CNOT9: variants seen among roughly 807,000 people sequenced by gnomAD.
CNOT9 encodes the protein RCD1 required for cell differentiation1 homolog.
Under a neutral mutation model 37.4 loss-of-function variants are expected in CNOT9, and 8 were observed. The ratio of observed to expected loss-of-function variants is 0.21; its 90% CI spans 0.13 to 0.39. The LOEUF is 0.39. CNOT9 is among the 10% of genes least tolerant of loss of function. CNOT9 has a pLI of 1.00. For missense variants in CNOT9, 154 were observed against 365.3 expected (o/e 0.42, Z 4.71); for synonymous variants, 120 against 137.6 (o/e 0.87, Z 0.90).
intron 3 of CNOT9, among the ~76,000 whole-genome samples, 167 bp downstream of exon 3, chr2:218,583,253 C>G (rs1436955489): frequency 0.015 from 861 of 57,818 alleles, 8 homozygotes; most frequent in African/African-American, 0.053. Context: ...CTCTCTCTCT[C>G]TCTCTCTCTC....
At position 218,595,921 on chromosome 2, in the gene CNOT9, C is replaced by T. The variant is rs937815531; in HGVS notation, c.*1645C>T. 1 of 152,126 alleles carries T rather than the reference C, an allele frequency of 6.6e-6. No individual in the cohort carries two copies. The highest frequency in any genetic ancestry group is 2.4e-5 in the African/African-American group (1 of 41,408). The allele number at this position is 152,126 out of a possible 1,614,324, so 9.4% of individuals were successfully genotyped here. The stretch of plus-strand genomic sequence containing the variant: ...AAGGGCAGAATAAGCACTTACTCCC[C>T]CTGCCTTCCAAGATGAAGAGGAGAA... On this transcript the variant is annotated 3_prime_UTR_variant, in exon 8 of 8. Transcript: ENST00000273064.
chr2:218,585,641 T>A (rs370658605), intron 4 of CNOT9, among the ~76,000 whole-genome samples: 1 of 37,686 alleles, frequency 2.7e-5, no homozygotes, highest in African/African-American at 3.6e-5. Context: ...TTATTTTATT[T>A]TTTTTTTTTT....
intron 5 of CNOT9, among the ~76,000 whole-genome samples, chr2:218,590,563 G>A (rs1358287048): frequency 6.6e-6 from 1 of 152,198 alleles, no homozygotes; most frequent in African/African-American, 2.4e-5. Context: ...GAAGTCACAA[G>A]TTCTAAATGA....
chr2:218,590,345 A>G (rs1453258718), intron 5 of CNOT9, among the ~76,000 whole-genome samples: 2 of 152,206 alleles, frequency 1.3e-5, no homozygotes, highest in South Asian at 2.1e-4. Context: ...TCTGTATTTT[A>G]TACAATATTT....
At chr2:218,593,726 A>G in intron 7 of CNOT9, 1 of 1,217,996 alleles carries the variant, frequency 8.2e-7, no homozygotes, top group Non-Finnish European at 1.1e-6. Flanking sequence ...AAGTTATCAT[A>G]AGTTTGATGA....
intron 2 of CNOT9, chr2:218,580,954 CCTATAAT>C (rs1474507008): frequency 1.6e-6 from 1 of 641,880 alleles, no homozygotes; most frequent in Non-Finnish European, 2.9e-6. Context: ...TGAGGTGGGC[CCTATAAT>C]CTATATTTTA....
rs567456361 is a variant in CNOT9, at chr2:218,580,156, A to G, written c.25-405A>G. ...GCTAAATTTTGTATTTTTAGTAGAG[A>G]CGGGGTTTCGCCATGTTGGCCAGGC... On this transcript the variant is annotated intron_variant, in intron 1 of 7. Coordinates refer to ENST00000273064, the MANE Select transcript of CNOT9 (RefSeq NM_005444.3). 3.3e-3 allele frequency among the ~76,000 whole-genome samples: 500 copies of G among 152,008 alleles called. 4 individuals carry two copies. The highest frequency in any genetic ancestry group is 3.7e-3 in the Non-Finnish European group (252 of 67,982).
intron 7 of CNOT9, chr2:218,593,716 A>G (rs966110952): frequency 1.1e-5 from 13 of 1,228,170 alleles, no homozygotes; most frequent in Non-Finnish European, 1.3e-5. Context: ...AAAATTCATT[A>G]AGTTATCATA....
chr2:218,581,545 T>C (rs1694379119), intron 2 of CNOT9, among the ~76,000 whole-genome samples: 1 of 152,154 alleles, frequency 6.6e-6, no homozygotes, highest in African/African-American at 2.4e-5. Flanking sequence ...AATAGATAAC[T>C]GAAGTTCAGT....
intron 1 of CNOT9, among the ~76,000 whole-genome samples, chr2:218,579,853 CTG>C (rs1694309718): frequency 6.6e-6 from 1 of 151,922 alleles, no homozygotes; most frequent in Non-Finnish European, 1.5e-5. Flanking sequence ...GAGTCTCACT[CTG>C]TCGCCCAAGC....
At chr2:218,590,423 G>A (rs1694734651) in intron 5 of CNOT9, among the ~76,000 whole-genome samples, 1 of 152,190 alleles carries the variant, frequency 6.6e-6, no homozygotes, top group East Asian at 1.9e-4. Flanking sequence ...CTTAAGATTA[G>A]TGCACTTAAC....
intron 1 of CNOT9, 83 bp downstream of exon 1, chr2:218,569,061 G>T: frequency 6.7e-7 from 1 of 1,485,350 alleles, no homozygotes; most frequent in South Asian, 1.2e-5. Flanking sequence ...TCCCGGTGTC[G>T]GGTCCCTAGT....
chr2:218,590,048 T>A (rs1694721770), intron 5 of CNOT9, among the ~76,000 whole-genome samples: 1 of 84,182 alleles, frequency 1.2e-5, no homozygotes, highest in African/African-American at 5.4e-5. Context: ...AATATTGCTT[T>A]TTTCTGTTTT....
At chr2:218,576,372 C>T (rs148791133) in intron 1 of CNOT9, among the ~76,000 whole-genome samples, 172 of 152,208 alleles carry the variant, frequency 1.1e-3, no homozygotes, top group African/African-American at 3.8e-3. Context: ...TACAAAATTG[C>T]TTGTTATATG....
rs911644355 is a variant in CNOT9 at position 218,577,052 on chromosome 2, G to T, written c.25-3509G>T. Among the ~76,000 whole-genome samples, 7 of 152,002 alleles carry T rather than the reference G, an allele frequency of 4.6e-5. No individual in the cohort carries two copies. The South Asian group carries it at 6.2e-4, about 14-fold the overall frequency. On this transcript the variant is annotated intron_variant, in intron 1 of 7. Coordinates refer to ENST00000273064, the MANE Select transcript of CNOT9 (RefSeq NM_005444.3). ...CATTAGCAAAGCGGTTAAAAGTGTG[G>T]GCTCTGTTGCTAGAACACCTGGGTA... is the stretch of plus-strand genomic sequence containing the variant.
chr2:218,593,152 TTC>T (rs151118290), intron 7 of CNOT9: 2,516 of 229,030 alleles, frequency 0.011, 61 homozygotes, highest in African/African-American at 0.054. Flanking sequence ...TTCATAATCT[TTC>T]TGCCAGAAAT....
intron 5 of CNOT9, among the ~76,000 whole-genome samples, chr2:218,590,299 G>A (rs1240176031): frequency 6.6e-6 from 1 of 152,032 alleles, no homozygotes; most frequent in Admixed American, 6.6e-5. Context: ...GAACTCCTAA[G>A]CTCAGGCAAT....
intron 3 of CNOT9, 87 bp downstream of exon 3, chr2:218,583,173 A>T: frequency 5.3e-5 from 31 of 582,908 alleles, no homozygotes; most frequent in East Asian, 2.4e-4. Context: ...AAGGGCATGG[A>T]GGAGAGAGAG....
chr2:218,574,961 TA>T (rs898972941), intron 1 of CNOT9, among the ~76,000 whole-genome samples: 1 of 151,878 alleles, frequency 6.6e-6, no homozygotes, highest in Non-Finnish European at 1.5e-5. Context: ...GTTTTTTTTT[TA>T]AAAAAAGAGC....
Sources: gnomAD v4.1 joint callset for allele counts (sites outside exome capture counted in the v4.1 genomes callset) on GRCh38, gnomAD v4.1.1 for gene constraint, MANE v1.5 for transcripts, NCBI Gene and HGNC (gene_info 2026-07-23, HGNC 2026-07-21) for gene names.